The following ROCK1 variants were observed in gnomAD, a reference collection of about 807,000 sequenced individuals.
The protein encoded by ROCK1 is rho-associated protein kinase 1.
ROCK1 carries 36 observed loss-of-function variants against 196.8 expected under a neutral mutation model. The ratio of observed to expected loss-of-function variants is 0.18; its 90% CI spans 0.14 to 0.24. ROCK1 has a LOEUF of 0.24. Among genes scored for constraint, ROCK1 ranks in the 10% least tolerant of loss-of-function variants. The probability of loss-of-function intolerance (pLI) is 1.00; values close to 1 mark genes in which losing one functional copy is unlikely to be tolerated. For missense variants in ROCK1, 920 were observed against 1,562.0 expected (o/e 0.59, Z 6.93); for synonymous variants, 443 against 515.9 (o/e 0.86, Z 1.91).
intron 21 of ROCK1, among the ~76,000 whole-genome samples, chr18:20,980,717 G>T (rs1161170254): frequency 1.3e-5 from 2 of 151,116 alleles, no homozygotes; most frequent in African/African-American, 4.9e-5. Context: ...GAGATTGAGA[G>T]CATCCTGGCT....
At chr18:20,983,014 T>C (rs2035547108) in intron 20 of ROCK1, among the ~76,000 whole-genome samples, 182 bp from the exon 21 acceptor site, 1 of 152,096 alleles carries the variant, frequency 6.6e-6, no homozygotes, top group Non-Finnish European at 1.5e-5. Context: ...CGGTTCTATC[T>C]TGCTCCTTAT....
chr18:20,957,381 C>T (rs904595907), intron 29 of ROCK1, among the ~76,000 whole-genome samples: 3 of 152,166 alleles, frequency 2.0e-5, no homozygotes, highest in African/African-American at 4.8e-5. Context: ...CAAAAGTGTA[C>T]ATTACTGTTT....
At chr18:21,008,578 T>C (rs2035788566) in intron 13 of ROCK1, among the ~76,000 whole-genome samples, 1 of 152,170 alleles carries the variant, frequency 6.6e-6, no homozygotes, top group Non-Finnish European at 1.5e-5. Context: ...CAGCCTAAAA[T>C]ACCCAAATTT....
chr18:21,038,088 TATA>T (rs1453143637), intron 9 of ROCK1, among the ~76,000 whole-genome samples: 15 of 152,300 alleles, frequency 9.8e-5, no homozygotes, highest in South Asian at 4.1e-4. Context: ...TATTCAGATT[TATA>T]ATAATATTTG....
chr18:20,998,188 C>T (rs1488181705), intron 16 of ROCK1, among the ~76,000 whole-genome samples: 1 of 152,026 alleles, frequency 6.6e-6, no homozygotes, highest in Non-Finnish European at 1.5e-5. Context: ...AAAGAATATG[C>T]TCCTGAATGA....
At chr18:20,961,719 T>C (rs2143341797) in intron 27 of ROCK1, among the ~76,000 whole-genome samples, 1 of 152,246 alleles carries the variant, frequency 6.6e-6, no homozygotes, top group East Asian at 1.9e-4. Context: ...CACCTTTGCT[T>C]GTGTTATTCC....
chr18:21,103,461 A>T (rs2036676809), intron 1 of ROCK1, among the ~76,000 whole-genome samples: 1 of 151,444 alleles, frequency 6.6e-6, no homozygotes, highest in Non-Finnish European at 1.5e-5. Context: ...ATTTTATTTT[A>T]TTATTTTTTT....
In ROCK1 at chr18:21,069,289, T is replaced by C. The variant is rs773478666; in HGVS notation, c.175+1243A>G. Among the ~76,000 whole-genome samples, 89 of 152,022 alleles carry C rather than the reference T, an allele frequency of 5.9e-4. 4 individuals are homozygous for C. Among genetic ancestry groups the C allele is most frequent in the Admixed American group, 3.9e-4 (6 of 15,280 alleles). ...GAATTTTATACTAACTTAGTAATCCTGGCATAAACTATCCTTGGTCATGAT... is the reference window on the plus strand; with the variant it reads ...GAATTTTATACTAACTTAGTAATCCCGGCATAAACTATCCTTGGTCATGAT... On this transcript the variant is annotated intron_variant, in intron 2 of 32. Transcript: ENST00000399799.
intron 1 of ROCK1, among the ~76,000 whole-genome samples, chr18:21,092,580 TAAAA>T (rs35799573): frequency 3.6e-4 from 29 of 81,106 alleles, no homozygotes; most frequent in African/African-American, 1.3e-3. Context: ...ACCTCATCTT[TAAAA>T]AAAAAAAAAA....
intron 4 of ROCK1, among the ~76,000 whole-genome samples, chr18:21,048,559 T>C (rs541166020): frequency 6.6e-6 from 1 of 152,200 alleles, no homozygotes; most frequent in South Asian, 2.1e-4. Flanking sequence ...ATTTATTATT[T>C]TTATTTTTGA....
chr18:21,107,918 GT>G (rs970310978), intron 1 of ROCK1, among the ~76,000 whole-genome samples: 2 of 152,068 alleles, frequency 1.3e-5, no homozygotes, highest in African/African-American at 4.8e-5. Context: ...GCCAGGCGTG[GT>G]AGTGCACGCG....
intron 16 of ROCK1, among the ~76,000 whole-genome samples, chr18:20,998,141 A>T (rs1394202472): frequency 6.6e-6 from 1 of 152,160 alleles, no homozygotes; most frequent in East Asian, 1.9e-4. Context: ...CTGGCCAAAA[A>T]GCGGAATTTT....
At chr18:21,096,004 T>A (rs1323962550) in intron 1 of ROCK1, among the ~76,000 whole-genome samples, 3 of 149,484 alleles carry the variant, frequency 2.0e-5, no homozygotes, top group African/African-American at 4.9e-5. Flanking sequence ...AAAAAAAAAA[T>A]AAGAGTAGAA....
intron 16 of ROCK1, among the ~76,000 whole-genome samples, 173 bp from the exon 17 acceptor site, chr18:20,993,110 T>C (rs570845825): frequency 2.0e-5 from 3 of 152,390 alleles, no homozygotes; most frequent in African/African-American, 7.2e-5. Context: ...AAAATATTAA[T>C]GCTAATTGGA....
intron 13 of ROCK1, among the ~76,000 whole-genome samples, chr18:21,013,769 T>A (rs2035838712): frequency 6.6e-6 from 1 of 152,022 alleles, no homozygotes; most frequent in South Asian, 2.1e-4. Flanking sequence ...CTGTTAAGAA[T>A]GGGGCTACAG....
chr18:21,068,488 G>C (rs1482669292), intron 2 of ROCK1, among the ~76,000 whole-genome samples: 2 of 152,148 alleles, frequency 1.3e-5, no homozygotes, highest in African/African-American at 4.8e-5. Context: ...TTACAGAATT[G>C]CTGGTCACCT....
intron 23 of ROCK1, 94 bp from the exon 24 acceptor site, chr18:20,969,302 G>C (rs2035404336): frequency 2.9e-6 from 2 of 680,914 alleles, no homozygotes; most frequent in Admixed American, 2.6e-5. Flanking sequence ...ATAAAGACAG[G>C]TCAGACACTG....
intron 22 of ROCK1, among the ~76,000 whole-genome samples, chr18:20,979,115 G>A (rs1568373553): frequency 6.6e-6 from 1 of 152,118 alleles, no homozygotes; most frequent in Non-Finnish European, 1.5e-5. Context: ...TCTCCTTGGA[G>A]ATGGGGTCTC....
At chr18:21,064,538 A>C (rs1312348557) in intron 2 of ROCK1, among the ~76,000 whole-genome samples, 2 of 152,202 alleles carry the variant, frequency 1.3e-5, no homozygotes, top group Non-Finnish European at 2.9e-5. Context: ...TATTTCAAGA[A>C]TGGTCTCATG....
Sources: allele counts gnomAD v4.1 joint callset (sites outside exome capture counted in the v4.1 genomes callset), GRCh38; gene constraint gnomAD v4.1.1; transcripts MANE v1.5; gene names NCBI Gene and HGNC (gene_info 2026-07-23, HGNC 2026-07-21).